The following ESR2 variants were observed in gnomAD, a reference collection of about 807,000 sequenced individuals.
The protein encoded by ESR2 is estrogen receptor beta.
In ESR2, 36 loss-of-function variants were observed where a neutral mutation model predicts 49.6. That is an observed-to-expected ratio of 0.73 (90% confidence interval 0.56 to 0.96). ESR2 has a LOEUF of 0.96. Among genes scored for constraint, ESR2 ranks in the 40% least tolerant of loss-of-function variants. The pLI is 0.00. For synonymous variants in ESR2, 320 were observed against 266.1 expected (o/e 1.20, Z -1.97); for missense variants, 714 against 693.0 (o/e 1.03, Z -0.34).
At chr14:64,321,828 A>G (rs2077327494) in intron 1 of ESR2, among the ~76,000 whole-genome samples, 1 of 152,176 alleles carries the variant, frequency 6.6e-6, no homozygotes, top group East Asian at 1.9e-4. Context: ...CAAATACCAC[A>G]TGTTCTCACT....
chr14:64,248,149 G>A (rs181944826), intron 7 of ESR2, among the ~76,000 whole-genome samples: 99 of 152,020 alleles, frequency 6.5e-4, no homozygotes, highest in Non-Finnish European at 1.2e-3. Context: ...AACCATGATC[G>A]TGCCACTGCA....
intron 2 of ESR2, among the ~76,000 whole-genome samples, chr14:64,281,894 A>G (rs1189337398): frequency 6.6e-6 from 1 of 152,270 alleles, no homozygotes; most frequent in East Asian, 1.9e-4. Context: ...TCGCATGTCT[A>G]GAATTTCATT....
intron 8 of ESR2, chr14:64,234,213 T>C (rs1430542427): frequency 1.3e-5 from 2 of 152,300 alleles, no homozygotes; most frequent in Non-Finnish European, 2.9e-5. Flanking sequence ...GAGGTCTTCA[T>C]CTCACTTAAG....
chr14:64,298,848 A>C (rs2076989330), upstream of ESR2, among the ~76,000 whole-genome samples: 1 of 152,168 alleles, frequency 6.6e-6, no homozygotes, highest in Non-Finnish European at 1.5e-5. Context: ...TGCATACCTT[A>C]AGTTTCTAAT....
At chr14:64,273,802 C>T (rs12435284) in intron 3 of ESR2, among the ~76,000 whole-genome samples, 10,643 of 152,172 alleles carry the variant, frequency 0.07, 437 homozygotes, top group Non-Finnish European at 0.083. Context: ...ACTGGTCTCA[C>T]GGAATGATTT....
At chr14:64,280,207 C>A in intron 2 of ESR2, 54 bp from the exon 3 acceptor site, 1 of 1,306,904 alleles carries the variant, frequency 7.7e-7, no homozygotes, top group Non-Finnish European at 1.0e-6. Flanking sequence ...AAAGGAAGGG[C>A]TTTCTAGGAA....
chr14:64,236,775 C>G (rs1327022393), intron 7 of ESR2, among the ~76,000 whole-genome samples: 1 of 152,100 alleles, frequency 6.6e-6, no homozygotes, highest in South Asian at 2.1e-4. Flanking sequence ...CCCAACCTCC[C>G]TACCATCCCA....
At position 64,311,915 on chromosome 14, in the gene ESR2, G is replaced by C. The variant is rs1420344626; in HGVS notation, c.-91+25983C>G. Among the ~76,000 whole-genome samples the C allele has an allele frequency of 2.0e-5, 3 of 152,146 alleles. No homozygotes were observed. In the East Asian group the frequency reaches 5.8e-4, roughly 29 times the overall value. On this transcript the variant is annotated intron_variant, in intron 1 of 8. Coordinates refer to the ESR2 transcript ENST00000358599. ...ATGAAGGAATCTTGGAACATCAGGA[G>C]ACAGAAAATATAATGAGCAAAACTG...
At chr14:64,283,158 A>G (rs546801381) in intron 1 of ESR2, 83 bp from the exon 2 acceptor site, 2 of 565,044 alleles carry the variant, frequency 3.5e-6, no homozygotes, top group South Asian at 3.0e-5. Flanking sequence ...TTAAAAAAAT[A>G]CATACGTTTG....
chr14:64,257,271 T>A lies in ESR2; in HGVS notation c.1046A>T (p.Asp349Val), dbSNP rs1387035413. The change falls in exon 6 of 9, where the codon GAC becomes GTC. Residue 349 changes from aspartate to valine, a missense_variant. Transcript: ENST00000341099. ...LMMGLMWRSIDHPGKLIFAPD... is the reference protein window; with the variant it reads ...LMMGLMWRSIVHPGKLIFAPD... ...AGCAAAGATGAGCTTGCCGGGGTGG[T>A]CAATTGAGCGCCACATCAGCCCCAT... 3.0e-5 allele frequency: 48 copies of A among 1,614,004 alleles called. No individual in the cohort carries two copies. Among genetic ancestry groups the A allele is most frequent in the Non-Finnish European group, 4.1e-5 (48 of 1,180,008 alleles).
upstream of ESR2, among the ~76,000 whole-genome samples, chr14:64,295,656 C>T (rs1003160519): frequency 6.6e-6 from 1 of 152,162 alleles, no homozygotes; most frequent in African/African-American, 2.4e-5. Context: ...CTCAGCCTCC[C>T]TGTCTCCTGT....
At chr14:64,260,076 G>A (rs966083073) in intron 5 of ESR2, 1 of 470,580 alleles carries the variant, frequency 2.1e-6, no homozygotes, top group South Asian at 1.5e-5. Context: ...GCCAACAGGT[G>A]AGTGTCTGTA....
intron 7 of ESR2, among the ~76,000 whole-genome samples, chr14:64,242,598 T>G (rs1166805742): frequency 6.6e-6 from 1 of 151,932 alleles, no homozygotes. Context: ...CAGTTTTGGA[T>G]TCTAGTTACC....
intron 6 of ESR2, among the ~76,000 whole-genome samples, chr14:64,254,473 G>A (rs373815682): frequency 1.3e-4 from 20 of 152,098 alleles, no homozygotes; most frequent in African/African-American, 4.3e-4. Flanking sequence ...TAGGCTGGGC[G>A]TGGTGACTCA....
chr14:64,251,384 G>A (rs897265151), intron 6 of ESR2, among the ~76,000 whole-genome samples: 1 of 147,074 alleles, frequency 6.8e-6, no homozygotes, highest in South Asian at 2.2e-4. Context: ...CTGTGCTGAT[G>A]TGGGATTATA....
At chr14:64,292,557 A>C (rs1320472743) in intron 1 of ESR2, among the ~76,000 whole-genome samples, 1 of 152,224 alleles carries the variant, frequency 6.6e-6, no homozygotes, top group Non-Finnish European at 1.5e-5. Context: ...TCAAGCATAC[A>C]ATTCTCAAGG....
rs1352705769 is a variant in ESR2 at position 64,264,763 on chromosome 14, C to T, written c.653-4015G>A. On this transcript the variant is annotated intron_variant, in intron 4 of 8. Coordinates refer to ENST00000341099, the MANE Select transcript of ESR2 (RefSeq NM_001437.3). Reference sequence around the variant, plus strand: ...GTGCACACACCTGTAGTCCCAGCTACTCGGGAGGCTGAGGTGGGAGAATCA... The same window carrying T: ...GTGCACACACCTGTAGTCCCAGCTATTCGGGAGGCTGAGGTGGGAGAATCA... 2.6e-5 allele frequency among the ~76,000 whole-genome samples: 4 copies of T among 151,572 alleles called. No individual in the cohort carries two copies. The East Asian group carries it at 7.8e-4, about 29-fold the overall frequency.
At chr14:64,279,444 C>T (rs536251128) in intron 3 of ESR2, among the ~76,000 whole-genome samples, 10 of 151,948 alleles carry the variant, frequency 6.6e-5, no homozygotes, top group Non-Finnish European at 1.5e-4. Context: ...AATCTAAACA[C>T]AGCCCAGAAA....
intron 1 of ESR2, among the ~76,000 whole-genome samples, chr14:64,310,766 G>C (rs867482617): frequency 6.6e-6 from 1 of 152,140 alleles, no homozygotes; most frequent in African/African-American, 2.4e-5. Flanking sequence ...CACCGCGCCA[G>C]AGAACTTTTA....
Sources: gnomAD v4.1 joint callset for allele counts (sites outside exome capture counted in the v4.1 genomes callset) on GRCh38, gnomAD v4.1.1 for gene constraint, MANE v1.5 for transcripts, NCBI Gene and HGNC (gene_info 2026-07-23, HGNC 2026-07-21) for gene names.